Variants in PRKN observed in about 807,000 individuals in gnomAD.
PRKN encodes the protein E3 ubiquitin-protein ligase parkin.
PRKN carries 56 observed loss-of-function variants against 59.5 expected under a neutral mutation model. That is an observed-to-expected ratio of 0.94 (90% confidence interval 0.76 to 1.18). The LOEUF is 1.18. Among genes scored for constraint, PRKN ranks in the 50% most tolerant of loss-of-function variants. PRKN has a pLI of 0.00. For synonymous variants in PRKN, 250 were observed against 222.1 expected (o/e 1.13, Z -1.12); for missense variants, 657 against 596.4 (o/e 1.10, Z -1.06).
intron 2 of PRKN, among the ~76,000 whole-genome samples, chr6:162,310,131 CAAAG>C (rs1191335857): frequency 6.6e-6 from 1 of 152,010 alleles, no homozygotes; most frequent in Non-Finnish European, 1.5e-5. Flanking sequence ...GACGGGAAGA[CAAAG>C]AGAGAGTAAT....
chr6:161,767,093 C>G (rs1789454824), intron 7 of PRKN, among the ~76,000 whole-genome samples: 1 of 152,144 alleles, frequency 6.6e-6, no homozygotes, highest in Non-Finnish European at 1.5e-5. Flanking sequence ...CAGGATTAGC[C>G]TCACGACTTA....
At chr6:162,102,041 T>A (rs1275960662) in intron 4 of PRKN, among the ~76,000 whole-genome samples, 1 of 152,244 alleles carries the variant, frequency 6.6e-6, no homozygotes, top group Non-Finnish European at 1.5e-5. Context: ...TTCTCTTTTT[T>A]AATTTTAAGT....
At chr6:161,765,757 C>G (rs780660832) in intron 7 of PRKN, among the ~76,000 whole-genome samples, 1 of 152,058 alleles carries the variant, frequency 6.6e-6, no homozygotes, top group Non-Finnish European at 1.5e-5. Context: ...GGTCTTACTC[C>G]CTCTGAAACC....
chr6:162,046,776 C>T (rs1268816493), intron 5 of PRKN, among the ~76,000 whole-genome samples: 1 of 151,978 alleles, frequency 6.6e-6, no homozygotes, highest in African/African-American at 2.4e-5. Context: ...GGGTTCATAC[C>T]ATCATTGACA....
intron 2 of PRKN, among the ~76,000 whole-genome samples, chr6:162,339,650 C>T (rs1213542892): frequency 6.6e-6 from 1 of 152,060 alleles, no homozygotes. Context: ...CCCAACAGCT[C>T]ATTGAGAATG....
chr6:162,666,435 T>C (rs2128229282), intron 1 of PRKN, among the ~76,000 whole-genome samples: 1 of 152,244 alleles, frequency 6.6e-6, no homozygotes, highest in East Asian at 1.9e-4. Context: ...TGCTCTGCAA[T>C]TACTTTTAAG....
chr6:161,374,699 GCGTTATGTT>G (rs370614245), intron 10 of PRKN, among the ~76,000 whole-genome samples: 9 of 2,952 alleles, frequency 3.0e-3, no homozygotes, highest in African/African-American at 4.9e-3. Context: ...TGTGATGTGT[GCGTTATGTT>G]TATGTGTGTG....
chr6:161,580,778 C>T (rs1781309989), intron 7 of PRKN, among the ~76,000 whole-genome samples: 1 of 151,828 alleles, frequency 6.6e-6, no homozygotes, highest in African/African-American at 2.4e-5. Context: ...GCACCCAGCC[C>T]AAAAATTTGT....
chr6:162,552,108 CCAAA>C (rs1216289510), intron 1 of PRKN, among the ~76,000 whole-genome samples: 1 of 152,102 alleles, frequency 6.6e-6, no homozygotes, highest in Non-Finnish European at 1.5e-5. Flanking sequence ...AAAACACATT[CCAAA>C]CAAAGGGAAC....
chr6:161,654,798 G>A (rs1280453197), intron 7 of PRKN, among the ~76,000 whole-genome samples: 1 of 152,204 alleles, frequency 6.6e-6, no homozygotes, highest in African/African-American at 2.4e-5. Flanking sequence ...AAGGAGGCCA[G>A]CAAAGGCCAC....
intron 1 of PRKN, among the ~76,000 whole-genome samples, chr6:162,628,454 T>A (rs1278136683): frequency 6.6e-6 from 1 of 152,108 alleles, no homozygotes; most frequent in Non-Finnish European, 1.5e-5. Context: ...TAGCTAAATA[T>A]TACCAATAAG....
chr6:161,786,268 G>C (rs1007760292), intron 6 of PRKN, among the ~76,000 whole-genome samples: 1 of 151,876 alleles, frequency 6.6e-6, no homozygotes, highest in African/African-American at 2.4e-5. Context: ...CTATTGATCC[G>C]TTATTACACC....
chr6:162,106,287 T>G (rs1352484586), intron 4 of PRKN, among the ~76,000 whole-genome samples: 1 of 152,144 alleles, frequency 6.6e-6, no homozygotes, highest in East Asian at 1.9e-4. Context: ...ATTTTAATGT[T>G]GATAAATCAA....
Position 162,573,142 on chromosome 6 carries a change from T to C in PRKN, c.8-129669A>G, listed in dbSNP as rs527604797. On this transcript the variant is annotated intron_variant, in intron 1 of 11. Transcript: ENST00000366898. ...TTCCATTTTTAGAATGTCTTATATA[T>C]TTGGGTAGATTCCAAACAGAAAATG... is the stretch of plus-strand genomic sequence containing the variant. 3.9e-5 allele frequency among the ~76,000 whole-genome samples: 6 copies of C among 152,298 alleles called. No individual in the cohort carries two copies. In the South Asian group the frequency reaches 1.2e-3, roughly 32 times the overall value.
At chr6:161,486,082 T>C (rs1371550307) in intron 9 of PRKN, among the ~76,000 whole-genome samples, 3 of 152,132 alleles carry the variant, frequency 2.0e-5, no homozygotes, top group African/African-American at 7.2e-5. Flanking sequence ...ATAAACTATT[T>C]ATTTTTAATA....
chr6:162,641,808 C>G (rs1777971728), intron 1 of PRKN, among the ~76,000 whole-genome samples: 1 of 152,150 alleles, frequency 6.6e-6, no homozygotes, highest in African/African-American at 2.4e-5. Context: ...TTTTCATGAG[C>G]TCCTTTTATT....
chr6:161,843,831 T>C (rs748754964), intron 6 of PRKN, among the ~76,000 whole-genome samples: 2 of 152,106 alleles, frequency 1.3e-5, no homozygotes, highest in South Asian at 2.1e-4. Flanking sequence ...ATTCATTCCA[T>C]AGTACAGCTA....
chr6:162,615,447 A>AT (rs5881481), intron 1 of PRKN, among the ~76,000 whole-genome samples: 28,728 of 151,340 alleles, frequency 0.19, 3,435 homozygotes, highest in East Asian at 0.47. Flanking sequence ...CATGAGATGG[A>AT]TTTTTTTTTT....
At chr6:162,465,298 T>C (rs901875644) in intron 1 of PRKN, among the ~76,000 whole-genome samples, 2 of 152,236 alleles carry the variant, frequency 1.3e-5, no homozygotes, top group African/African-American at 4.8e-5. Context: ...TTGCTGTTTA[T>C]AATATTACCC....
Sources: allele counts gnomAD v4.1 joint callset (sites outside exome capture counted in the v4.1 genomes callset), GRCh38; gene constraint gnomAD v4.1.1; transcripts MANE v1.5; gene names NCBI Gene and HGNC (gene_info 2026-07-23, HGNC 2026-07-21).